The following GLB1 variants were observed in gnomAD, a reference collection of about 807,000 sequenced individuals.
The protein encoded by GLB1 is galactosidase beta 1, also known as beta-galactosidase.
A neutral mutation model predicts 74.0 loss-of-function variants in GLB1; 56 were observed. The observed-to-expected ratio is 0.76, with a 90% CI of 0.61 to 0.94. The LOEUF (loss-of-function observed/expected upper bound fraction) is 0.94, where lower values mean the gene tolerates loss of function less well. Among genes scored for constraint, GLB1 ranks in the 40% least tolerant of loss-of-function variants. The pLI, the probability that GLB1 is intolerant of heterozygous loss-of-function variation, is 0.00. For synonymous variants in GLB1, 323 were observed against 323.6 expected (o/e 1.00, Z 0.02); for missense variants, 787 against 845.5 (o/e 0.93, Z 0.86).
At chr3:32,986,290 C>A in the GLB1 span, among the ~76,000 whole-genome samples, 1 of 151,510 alleles carries the variant, frequency 6.6e-6, no homozygotes, top group South Asian at 2.1e-4. Context: ...AATAGAGACC[C>A]CAAAATTGAT....
the GLB1 span, among the ~76,000 whole-genome samples, chr3:32,968,316 T>C: frequency 6.6e-6 from 1 of 151,628 alleles, no homozygotes; most frequent in Non-Finnish European, 1.5e-5. Context: ...GAAGGATAAA[T>C]GTCAAAAGAA....
intron 2 of GLB1, among the ~76,000 whole-genome samples, chr3:33,069,260 C>T (rs1041382506): frequency 1.3e-5 from 2 of 152,090 alleles, no homozygotes; most frequent in African/African-American, 2.4e-5. Flanking sequence ...GGGTGTATGC[C>T]TGTGGTCCCA....
chr3:32,988,718 T>G, the GLB1 span, among the ~76,000 whole-genome samples: 1 of 152,222 alleles, frequency 6.6e-6, no homozygotes, highest in Non-Finnish European at 1.5e-5. Context: ...CTGCAGTGAC[T>G]TCAGGACAGG....
chr3:33,026,390 G>T (rs1206441095), intron 10 of GLB1, among the ~76,000 whole-genome samples: 1 of 152,200 alleles, frequency 6.6e-6, no homozygotes, highest in Non-Finnish European at 1.5e-5. Context: ...AGCACAGGAG[G>T]GAGGCCGAGG....
At chr3:32,999,098 C>G (rs1445500978) in intron 15 of GLB1, among the ~76,000 whole-genome samples, 2 of 152,116 alleles carry the variant, frequency 1.3e-5, no homozygotes, top group Non-Finnish European at 1.5e-5. Flanking sequence ...GTTCCAATGC[C>G]TACAAAAGAA....
chr3:33,020,744 G>C (rs1212103254), intron 12 of GLB1, among the ~76,000 whole-genome samples: 4 of 152,176 alleles, frequency 2.6e-5, no homozygotes, highest in African/African-American at 9.7e-5. Context: ...ATTTATATTA[G>C]ATAATAGGAT....
chr3:32,994,220 T>A (rs528827429), downstream of GLB1, among the ~76,000 whole-genome samples: 1 of 152,144 alleles, frequency 6.6e-6, no homozygotes, highest in Non-Finnish European at 1.5e-5. Context: ...GGTACATCCA[T>A]ACAATGGAAT....
downstream of GLB1, among the ~76,000 whole-genome samples, chr3:32,992,725 C>T (rs1696245986): frequency 6.6e-6 from 1 of 152,184 alleles, no homozygotes; most frequent in African/African-American, 2.4e-5. Flanking sequence ...AGGAATGAAG[C>T]TGGTGGGAGG....
chr3:32,976,264 C>T, the GLB1 span, among the ~76,000 whole-genome samples: 3 of 152,198 alleles, frequency 2.0e-5, no homozygotes, highest in African/African-American at 7.2e-5. Flanking sequence ...TCCATTTTCT[C>T]TTGCTCTTCT....
At chr3:33,051,686 G>A in intron 9 of GLB1, 72 bp downstream of exon 9, 1 of 1,607,544 alleles carries the variant, frequency 6.2e-7, no homozygotes, top group South Asian at 1.1e-5. Context: ...TTGTCTGTGG[G>A]CACACCCCTC....
intron 12 of GLB1, among the ~76,000 whole-genome samples, chr3:33,019,966 C>T (rs1008573441): frequency 6.6e-6 from 1 of 152,166 alleles, no homozygotes; most frequent in Non-Finnish European, 1.5e-5. Context: ...GAGAGCACTA[C>T]CTTGGCCAAA....
At chr3:33,050,801 CA>C (rs1420544748) in intron 9 of GLB1, among the ~76,000 whole-genome samples, 2 of 152,086 alleles carry the variant, frequency 1.3e-5, no homozygotes, top group Non-Finnish European at 2.9e-5. Context: ...CTCAACAAAA[CA>C]AAACGTTAAA....
intron 1 of GLB1, among the ~76,000 whole-genome samples, chr3:33,076,189 C>A (rs982068612): frequency 1.3e-5 from 2 of 152,154 alleles, no homozygotes; most frequent in African/African-American, 4.8e-5. Context: ...CTGGCCTGAG[C>A]CAAGGCCTAG....
At chr3:33,050,539 G>A (rs1302241686) in intron 9 of GLB1, among the ~76,000 whole-genome samples, 2 of 152,216 alleles carry the variant, frequency 1.3e-5, no homozygotes, top group Admixed American at 1.3e-4. Context: ...AGTCATACAG[G>A]TGTATATATG....
At chr3:33,067,024 CAG>C (rs1238299346) in intron 4 of GLB1, among the ~76,000 whole-genome samples, 3 of 124,616 alleles carry the variant, frequency 2.4e-5, no homozygotes, top group Admixed American at 1.9e-4. Flanking sequence ...TTTTTTGAGA[CAG>C]AGTTTCGCTC....
chr3:32,964,201 A>G, the GLB1 span, among the ~76,000 whole-genome samples: 2,793 of 152,324 alleles, frequency 0.018, 80 homozygotes, highest in African/African-American at 0.064. Context: ...AGACTGTACA[A>G]CCACCTCTCC....
At chr3:33,057,154 C>G (rs2125531530) in intron 6 of GLB1, among the ~76,000 whole-genome samples, 1 of 152,304 alleles carries the variant, frequency 6.6e-6, no homozygotes. Context: ...GTTATGAGAT[C>G]TGGTTGTTTA....
chr3:33,004,828 T>G (rs1296870308), intron 15 of GLB1, among the ~76,000 whole-genome samples: 1 of 152,150 alleles, frequency 6.6e-6, no homozygotes, highest in East Asian at 1.9e-4. Context: ...AGAGTTCTGT[T>G]TTATACCTAT....
In GLB1 at chr3:33,065,595, C is replaced by G. The variant is rs753420448; in HGVS notation, c.458-38G>C. On this transcript the variant is annotated intron_variant, in intron 4 of 15. Coordinates refer to ENST00000307363, the MANE Select transcript of GLB1 (RefSeq NM_000404.4). ...AAAAGTTTAACACAAGCTTGTCCAA[C>G]CCCAGCCTGTAAGCCACATGCAGCC... is the stretch of plus-strand genomic sequence containing the variant. 15 of 1,551,570 alleles carry G rather than the reference C, an allele frequency of 9.7e-6. No homozygotes were observed. In the South Asian group the frequency reaches 1.2e-4, roughly 12 times the overall value.
Sources: allele counts gnomAD v4.1 joint callset (sites outside exome capture counted in the v4.1 genomes callset), GRCh38; gene constraint gnomAD v4.1.1; transcripts MANE v1.5; gene names NCBI Gene and HGNC (gene_info 2026-07-23, HGNC 2026-07-21).